Variants in RBM5 observed in about 807,000 individuals in gnomAD.
RBM5 encodes RNA binding motif protein 5, also known as RNA-binding protein 5.
In RBM5, 15 loss-of-function variants were observed where a neutral mutation model predicts 124.6. That is an observed-to-expected ratio of 0.12 (90% CI 0.08 to 0.19). RBM5 has a LOEUF of 0.19. RBM5 is among the 10% of genes least tolerant of loss of function. The pLI is 1.00. For synonymous variants in RBM5, 337 were observed against 361.2 expected, an observed-to-expected ratio of 0.93 and a Z score of 0.76; for missense variants, 580 against 1,026.5, an observed-to-expected ratio of 0.57 and a Z score of 5.94.
At chr3:50,091,359 C>G (rs1575929665) in intron 2 of RBM5, among the ~76,000 whole-genome samples, 1 of 152,266 alleles carries the variant, frequency 6.6e-6, no homozygotes, top group East Asian at 1.9e-4. Flanking sequence ...ATCTGGTAAA[C>G]AGTTTACAAA....
At chr3:50,090,062 G>T (rs922587565) in intron 1 of RBM5, 4 of 200,432 alleles carry the variant, frequency 2.0e-5, no homozygotes, top group African/African-American at 9.4e-5. Flanking sequence ...GGAGCTGATT[G>T]TAGCTCTGCC....
chr3:50,117,607 C>G lies in RBM5; in HGVS notation c.2322+228C>G, dbSNP rs560108496. 6 of 462,680 alleles carry G rather than the reference C, an allele frequency of 1.3e-5. No individual in the cohort carries two copies. The highest frequency in any genetic ancestry group is 1.2e-4 in the South Asian group (4 of 33,906). 28.7% of individuals were successfully genotyped at this position (462,680 alleles called of 1,614,324 possible). On this transcript the variant is annotated intron_variant, in intron 24 of 24. Coordinates refer to ENST00000347869, the MANE Select transcript of RBM5 (RefSeq NM_005778.4). This position sits in a 1 kb window ranked among gnomAD's most constrained non-coding sequence, Gnocchi z 4.2. ...ACCAGCCTGGGCAACACGGTGAAAC[C>G]CCGTCTCTACTAAAATACAAAATAT...
intron 2 of RBM5, 93 bp downstream of exon 2, chr3:50,090,544 TTTTG>T (rs762107007): frequency 2.0e-6 from 3 of 1,470,320 alleles, no homozygotes; most frequent in Non-Finnish European, 2.8e-6. Flanking sequence ...TATATGAGTG[TTTTG>T]CGCCAGGCAT....
At chr3:50,093,966 T>G (rs1031259684) in intron 4 of RBM5, 91 bp downstream of exon 4, 16 of 1,441,628 alleles carry the variant, frequency 1.1e-5, no homozygotes, top group Admixed American at 1.7e-5. Context: ...TGTTTTATCT[T>G]AAGCCAATAG....
rs2091271949 is a variant in RBM5, at chr3:50,117,343, G to A, written c.2286G>A (p.Leu762=). The change falls in exon 24 of 25, where the codon TTG becomes TTA. Residue 762 remains leucine, a synonymous_variant. Transcript: ENST00000347869. This position sits in a 1 kb window ranked among gnomAD's most constrained non-coding sequence, Gnocchi z 4.2. ...TGGGCTGGCGGGAAGGCTCTGGCTT[G>A]GGACGAAAGTGTCAAGGCATTACGG... is the stretch of plus-strand genomic sequence containing the variant. The part of the protein sequence containing the change: ...QAMGWREGSG[L]GRKCQGITAP... 1.2e-6 allele frequency: 2 copies of A among 1,614,190 alleles called. No individual in the cohort carries two copies. Among genetic ancestry groups the A allele is most frequent in the Admixed American group, 1.7e-5 (1 of 60,020 alleles).
chr3:50,104,362 A>G, intron 8 of RBM5, 54 bp downstream of exon 8: 2 of 1,546,676 alleles, frequency 1.3e-6, no homozygotes, highest in East Asian at 2.2e-5. Flanking sequence ...TAACTGGGGC[A>G]GGGAGCAGTG....
At chr3:50,113,186 A>G (rs576632521) in intron 17 of RBM5, 197 bp from the exon 18 acceptor site, 153 of 457,240 alleles carry the variant, frequency 3.3e-4, no homozygotes, top group African/African-American at 2.4e-3. Flanking sequence ...ATCATATTCT[A>G]TTTTTACTCT....
chr3:50,098,656 A>G (rs1435627458), intron 4 of RBM5, among the ~76,000 whole-genome samples: 2 of 151,966 alleles, frequency 1.3e-5, no homozygotes. Context: ...GTTAGCCAGG[A>G]TGGTCTCCAT....
chr3:50,094,156 ATT>A (rs145309164), intron 4 of RBM5: 696 of 164,922 alleles, frequency 4.2e-3, no homozygotes, highest in South Asian at 0.016. Context: ...ACTTTAAATA[ATT>A]TTTTTTTTTT....
chr3:50,102,939 A>C, intron 6 of RBM5, 144 bp from the exon 7 acceptor site: 1 of 655,832 alleles, frequency 1.5e-6, no homozygotes, highest in Non-Finnish European at 2.7e-6. Flanking sequence ...TTGGATGGGC[A>C]GAGTATAGGT....
At chr3:50,115,813 G>T in intron 21 of RBM5, 93 bp from the exon 22 acceptor site, 2 of 1,311,954 alleles carry the variant, frequency 1.5e-6, no homozygotes, top group South Asian at 1.2e-5. Context: ...TTTGGGCTTT[G>T]GCTCTTAAAG....
intron 13 of RBM5, 23 bp downstream of exon 13, chr3:50,108,170 C>A: frequency 6.2e-7 from 1 of 1,601,876 alleles, no homozygotes; most frequent in Non-Finnish European, 8.6e-7. Flanking sequence ...TAGCAGCATC[C>A]ACCTTATAGT....
At chr3:50,107,012 T>C (rs1024064098) in intron 11 of RBM5, 148 bp downstream of exon 11, 1 of 739,114 alleles carries the variant, frequency 1.4e-6, no homozygotes, top group African/African-American at 1.7e-5. Context: ...GTTTGTCTTC[T>C]TTTAGTGATT....
chr3:50,117,144 G>A lies in RBM5; in HGVS notation c.2165G>A (p.Arg722His), dbSNP rs746806689. The A allele has an allele frequency of 1.1e-5, 17 of 1,614,046 alleles. No homozygotes were observed. Among genetic ancestry groups the A allele is most frequent in the Admixed American group, 1.7e-5 (1 of 60,002 alleles). Residue 722 changes from arginine (R) to histidine (H), a missense_variant, in exon 23 of 25, where the codon CGC (arginine) becomes CAC (histidine). Physicochemically the swap from Arg to His is conservative, Grantham distance 29. Coordinates refer to ENST00000347869, the MANE Select transcript of RBM5 (RefSeq NM_005778.4). The surrounding 1 kb of genome is among the most constrained non-coding windows in gnomAD (Gnocchi z 4.2). The stretch of plus-strand genomic sequence containing the variant: ...ATTCCAGAACCTCCAGAGCCCAAGC[G>A]CAAGAAGCAGTTTGATGCCGGCACT... ...YGIPEPPEPK[R>H]KKQFDAGTVN...
intron 8 of RBM5, 80 bp downstream of exon 8, chr3:50,104,388 A>G: frequency 2.1e-6 from 3 of 1,406,000 alleles, no homozygotes; most frequent in Non-Finnish European, 3.0e-6. Context: ...CTGTAATCCC[A>G]CCACTTTGCA....
chr3:50,104,389 C>A, intron 8 of RBM5, 81 bp downstream of exon 8: 1 of 1,401,750 alleles, frequency 7.1e-7, no homozygotes, highest in Non-Finnish European at 1.0e-6. Context: ...TGTAATCCCA[C>A]CACTTTGCAA....
In RBM5 at chr3:50,106,976, C is replaced by T. The variant is rs1382895588; in HGVS notation, c.953+112C>T. On this transcript the variant is annotated intron_variant, in intron 11 of 24. Coordinates refer to ENST00000347869, the MANE Select transcript of RBM5 (RefSeq NM_005778.4). ...GTATGTTGAGACACTGTGATCCTCC[C>T]TGATTGCCAAGGCCAGGAGGGACAC... 1.3e-5 allele frequency: 12 copies of T among 921,552 alleles called. No individual in the cohort carries two copies. In the East Asian group the frequency reaches 3.0e-4, roughly 23 times the overall value. 57.1% of individuals were successfully genotyped at this position (921,552 alleles called of 1,614,324 possible). A position where few individuals can be genotyped will look rare whatever the true frequency, so the allele number is the denominator to read the frequency against.
At chr3:50,108,364 A>G in intron 14 of RBM5, 60 bp downstream of exon 14, 2 of 1,438,886 alleles carry the variant, frequency 1.4e-6, no homozygotes, top group Non-Finnish European at 2.0e-6. Flanking sequence ...AAGAAATATG[A>G]TTAAATGTCC....
chr3:50,106,618 T>C, intron 10 of RBM5, 149 bp from the exon 11 acceptor site: 2 of 613,960 alleles, frequency 3.3e-6, no homozygotes, highest in Non-Finnish European at 5.7e-6. Context: ...AGAGAGATAT[T>C]CCTTTCTTGA....
Sources: allele counts gnomAD v4.1 joint callset (sites outside exome capture counted in the v4.1 genomes callset), GRCh38; gene constraint gnomAD v4.1.1; non-coding constraint Gnocchi (gnomAD v3.1); transcripts MANE v1.5; gene names NCBI Gene and HGNC (gene_info 2026-07-23, HGNC 2026-07-21).